Variants in ZDHHC17 observed in about 807,000 individuals in gnomAD.
The protein encoded by ZDHHC17 is palmitoyltransferase ZDHHC17.
ZDHHC17 carries 40 observed loss-of-function variants against 90.3 expected under a neutral mutation model. The ratio of observed to expected loss-of-function variants is 0.44; its 90% confidence interval spans 0.34 to 0.58. The LOEUF is 0.58. Ranked by LOEUF, ZDHHC17 falls within the 20% of genes least tolerant of loss-of-function variation. The probability of loss-of-function intolerance (pLI) is 0.01; values close to 1 mark genes in which losing one functional copy is unlikely to be tolerated. For synonymous variants in ZDHHC17, 235 were observed against 252.4 expected, an observed-to-expected ratio of 0.93 and a Z score of 0.65; for missense variants, 614 against 780.8, an observed-to-expected ratio of 0.79 and a Z score of 2.55.
Position 76,829,455 on chromosome 12 carries a change from CAAAAAAAAAAAA to C in ZDHHC17, c.1141+983_1141+994del, listed in dbSNP as rs58051393. 3.7e-3 allele frequency among the ~76,000 whole-genome samples: 264 copies of C among 71,940 alleles called. 3 individuals are homozygous for C. Among genetic ancestry groups the C allele is most frequent in the Non-Finnish European group, 5.1e-3 (214 of 42,030 alleles). 47.2% of individuals were successfully genotyped at this position (71,940 alleles called of 152,430 possible). A position where few individuals can be genotyped will look rare whatever the true frequency, so the allele number is the denominator to read the frequency against. On this transcript the variant is annotated intron_variant, in intron 10 of 16. Coordinates refer to ENST00000426126, the MANE Select transcript of ZDHHC17 (RefSeq NM_015336.4). ...TGGGTGACAGAGTGAGACTATGTCT[CAAAAAAAAAAAA>C]AAAAAAAAAAAAAAAAAGAACTACC... is the stretch of plus-strand genomic sequence containing the variant.
chr12:76,784,893 T>G (rs1044702905), intron 1 of ZDHHC17, among the ~76,000 whole-genome samples: 9 of 152,182 alleles, frequency 5.9e-5, no homozygotes, highest in African/African-American at 1.9e-4. Flanking sequence ...GGTAACAGAA[T>G]TTTGGATGCT....
intron 2 of ZDHHC17, among the ~76,000 whole-genome samples, chr12:76,801,941 T>C (rs980020334): frequency 1.3e-5 from 2 of 152,202 alleles, no homozygotes; most frequent in African/African-American, 4.8e-5. Context: ...TTTAAATTAA[T>C]GTATTAGTCT....
intron 5 of ZDHHC17, among the ~76,000 whole-genome samples, chr12:76,811,352 A>G (rs1389233236): frequency 6.6e-6 from 1 of 152,216 alleles, no homozygotes; most frequent in Non-Finnish European, 1.5e-5. Flanking sequence ...TCCATATTGC[A>G]GAATAAATCT....
At position 76,788,688 on chromosome 12, in the gene ZDHHC17, A is replaced by ATATTT. The variant is rs61663401; in HGVS notation, c.94-8745_94-8744insATTTT. ...AAAATATATTTAAGTTGGAATCGCA[A>ATATTT]TTTTTTTTTTTTTTTTTTTTTTTTT... On this transcript the variant is annotated intron_variant, in intron 1 of 16. Transcript: ENST00000426126. Among the ~76,000 whole-genome samples, 25 of 98,664 alleles carry ATATTT rather than the reference A, an allele frequency of 2.5e-4. 4 individuals are homozygous for ATATTT. Among genetic ancestry groups the ATATTT allele is most frequent in the Admixed American group, 6.7e-4 (5 of 7,468 alleles). 64.7% of individuals were successfully genotyped at this position (98,664 alleles called of 152,430 possible). A position where few individuals can be genotyped will look rare whatever the true frequency, so the allele number is the denominator to read the frequency against.
intron 1 of ZDHHC17, among the ~76,000 whole-genome samples, chr12:76,789,658 A>G (rs970493012): frequency 6.6e-6 from 1 of 152,202 alleles, no homozygotes; most frequent in Non-Finnish European, 1.5e-5. Context: ...ATAAAAATAC[A>G]TAAACATTTG....
chr12:76,825,937 C>T (rs1213226782), intron 8 of ZDHHC17, among the ~76,000 whole-genome samples: 14 of 152,056 alleles, frequency 9.2e-5, no homozygotes, highest in Non-Finnish European at 2.9e-5. Context: ...ACCTCAGGCT[C>T]CCGAGTAGCT....
intron 1 of ZDHHC17, among the ~76,000 whole-genome samples, chr12:76,777,647 T>C (rs1171285891): frequency 6.6e-6 from 1 of 152,252 alleles, no homozygotes; most frequent in African/African-American, 2.4e-5. Flanking sequence ...CAGCAGTATA[T>C]GAGTGAGGAT....
intron 2 of ZDHHC17, among the ~76,000 whole-genome samples, chr12:76,798,555 GA>G (rs55858334): frequency 0.17 from 21,603 of 129,920 alleles, 1,869 homozygotes; most frequent in Non-Finnish European, 0.22. Flanking sequence ...TGCAAAAAAA[GA>G]AAAAAAAAAA....
chr12:76,847,680 A>T (rs1390167036), intron 14 of ZDHHC17, among the ~76,000 whole-genome samples: 12 of 152,120 alleles, frequency 7.9e-5, no homozygotes, highest in Non-Finnish European at 1.5e-5. Context: ...GTAGGAAGAG[A>T]GACCCCATCT....
chr12:76,818,031 T>C (rs907464268), intron 7 of ZDHHC17, among the ~76,000 whole-genome samples: 3 of 152,154 alleles, frequency 2.0e-5, no homozygotes, highest in African/African-American at 7.2e-5. Flanking sequence ...TTTATTAATG[T>C]TTTAACTTTA....
At chr12:76,845,925 C>T in intron 13 of ZDHHC17, 123 bp downstream of exon 13, 1 of 497,948 alleles carries the variant, frequency 2.0e-6, no homozygotes, top group Non-Finnish European at 3.5e-6. Flanking sequence ...TCTCAGTTAT[C>T]TTCTGGTTGA....
At chr12:76,840,287 A>G (rs1468250804) in intron 10 of ZDHHC17, 1 of 151,826 alleles carries the variant, frequency 6.6e-6, no homozygotes, top group Non-Finnish European at 1.5e-5. Context: ...TCTAATAATA[A>G]AATTAATACT....
intron 1 of ZDHHC17, among the ~76,000 whole-genome samples, chr12:76,772,414 A>G (rs779582844): frequency 6.6e-6 from 1 of 152,128 alleles, no homozygotes; most frequent in Non-Finnish European, 1.5e-5. Flanking sequence ...GACATTCTAC[A>G]CTAGCGTGGT....
intron 1 of ZDHHC17, among the ~76,000 whole-genome samples, chr12:76,776,854 A>T (rs890781590): frequency 5.3e-5 from 8 of 152,106 alleles, no homozygotes; most frequent in African/African-American, 1.7e-4. Flanking sequence ...TTGTATGAAA[A>T]TTTTTTTTAC....
chr12:76,795,362 C>T (rs1203116651), intron 1 of ZDHHC17, among the ~76,000 whole-genome samples: 1 of 152,068 alleles, frequency 6.6e-6, no homozygotes, highest in African/African-American at 2.4e-5. Flanking sequence ...CTTACCCTAT[C>T]CTGGGTGGGG....
intron 11 of ZDHHC17, 25 bp downstream of exon 11, chr12:76,842,131 T>A: frequency 1.3e-6 from 2 of 1,534,608 alleles, no homozygotes; most frequent in Non-Finnish European, 1.7e-6. Context: ...ACTAAGTCAC[T>A]TGTATTTAAC....
intron 2 of ZDHHC17, among the ~76,000 whole-genome samples, chr12:76,800,199 CAA>C (rs1952869771): frequency 6.6e-6 from 1 of 152,162 alleles, no homozygotes; most frequent in Non-Finnish European, 1.5e-5. Context: ...GACAAAACCC[CAA>C]AGTTTGTGTC....
intron 7 of ZDHHC17, chr12:76,821,036 C>G: frequency 7.9e-7 from 1 of 1,265,462 alleles, no homozygotes; most frequent in Non-Finnish European, 1.0e-6. Context: ...TATTTTAAAG[C>G]TCCCTCAATC....
intron 10 of ZDHHC17, among the ~76,000 whole-genome samples, chr12:76,829,095 G>A (rs553995013): frequency 5.3e-5 from 8 of 152,258 alleles, no homozygotes; most frequent in East Asian, 3.9e-4. Context: ...AAAAAGGAAC[G>A]CTGTTGGTGG....
Sources: allele counts gnomAD v4.1 joint callset (sites outside exome capture counted in the v4.1 genomes callset), GRCh38; gene constraint gnomAD v4.1.1; transcripts MANE v1.5; gene names NCBI Gene and HGNC (gene_info 2026-07-23, HGNC 2026-07-21).